Variants in EIF4G1 observed in about 807,000 individuals in gnomAD.
The protein encoded by EIF4G1 is EIF4-gamma.
In EIF4G1, 4 loss-of-function variants were observed where a neutral mutation model predicts 187.8. The observed-to-expected ratio is 0.02, with a 90% CI of 0.01 to 0.05. The LOEUF (loss-of-function observed/expected upper bound fraction) is 0.05. Ranked by LOEUF, EIF4G1 falls within the 10% of genes least tolerant of loss-of-function variation. EIF4G1 has a pLI of 1.00. For missense variants in EIF4G1, 1,647 were observed against 2,081.1 expected, an observed-to-expected ratio of 0.79 and a Z score of 4.06; for synonymous variants, 844 against 781.4, an observed-to-expected ratio of 1.08 and a Z score of -1.34.
At position 184,319,808 on chromosome 3, in the gene EIF4G1, A is replaced by T. The variant is rs775485567; in HGVS notation, c.537+7A>T. 17 of 1,571,186 alleles carry T rather than the reference A, an allele frequency of 1.1e-5. No homozygotes were observed. The highest frequency in any genetic ancestry group is 1.5e-5 in the Non-Finnish European group (17 of 1,149,356). On this transcript the variant is annotated splice_region_variant and intron_variant, in intron 7 of 32. Coordinates refer to ENST00000346169, the MANE Select transcript of EIF4G1 (RefSeq NM_198241.3). ...CAAGAGGGAGCGTAAGACGGTGAGT[A>T]GCAGTGAGGGGCTCCGGGACATCTG... is the stretch of plus-strand genomic sequence containing the variant.
chr3:184,318,466 G>T (rs570834378), intron 6 of EIF4G1, among the ~76,000 whole-genome samples: 2 of 151,598 alleles, frequency 1.3e-5, no homozygotes, highest in African/African-American at 4.8e-5. Flanking sequence ...TAAAATTTGA[G>T]GGGGGCTGAG....
Position 184,321,378 on chromosome 3 carries a change from C to T in EIF4G1, c.794C>T (p.Thr265Ile). ...TCCCAGCCTTCGTCGCCTTCTCCGA[C>T]CCCATCACCATCCCCAGTCTTGGAA... is the stretch of plus-strand genomic sequence containing the variant. ...SESQPSSPSP[T>I]PSPSPVLEPG... The change falls in exon 10 of 33, where the codon ACC (threonine) becomes ATC (isoleucine). Residue 265 changes from threonine to isoleucine, a missense_variant. Thr to Ile is a moderately conservative substitution (Grantham distance 89). Around this residue, in one of 11 missense-constraint regions of EIF4G1, gnomAD observed 522 missense variants for 485.2 expected, o/e 1.08. Coordinates refer to ENST00000346169, the MANE Select transcript of EIF4G1 (RefSeq NM_198241.3). 6.2e-7 allele frequency: 1 copy of T among 1,614,196 alleles called. No individual in the cohort carries two copies. Among genetic ancestry groups the T allele is most frequent in the Non-Finnish European group, 8.5e-7 (1 of 1,180,026 alleles).
chr3:184,315,576 G>C (rs1429457562), intron 2 of EIF4G1, 31 bp downstream of exon 2: 1 of 766,150 alleles, frequency 1.3e-6, no homozygotes, highest in Non-Finnish European at 2.4e-6. Context: ...AGTAGGTCAG[G>C]GGTTGGTTGG....
intron 23 of EIF4G1, 112 bp from the exon 24 acceptor site, chr3:184,327,104 G>C: frequency 6.4e-7 from 1 of 1,564,714 alleles, no homozygotes; most frequent in Non-Finnish European, 8.8e-7. Flanking sequence ...GGTTAGATTG[G>C]GGCATACTCA....
intron 6 of EIF4G1, among the ~76,000 whole-genome samples, chr3:184,318,432 C>A (rs1560208261): frequency 5.9e-5 from 9 of 152,046 alleles, no homozygotes; most frequent in African/African-American, 1.9e-4. Flanking sequence ...GCCTGGGAAA[C>A]TTAGTGAGAC....
At chr3:184,326,314 G>GC (rs1165796879) in intron 21 of EIF4G1, among the ~76,000 whole-genome samples, 9 of 152,336 alleles carry the variant, frequency 5.9e-5, no homozygotes, top group African/African-American at 2.2e-4. Context: ...AGTTTTATTG[G>GC]AACACAGTCA....
rs2108486300 is a variant in EIF4G1 at position 184,322,083 on chromosome 3, A to AGGC, written c.1500_1502dup (p.Ala504dup). On this transcript the variant is annotated inframe_insertion, in exon 10 of 33. Transcript: ENST00000346169. ...CCAGCCAACTTGTCTCAGAATTTGG[A>AGGC]GGCAGCAGCAGCCACTCAAGGTAAG... 6.2e-7 allele frequency: 1 copy of AGGC among 1,613,914 alleles called. No homozygotes were observed. The highest frequency in any genetic ancestry group is 8.5e-7 in the Non-Finnish European group (1 of 1,180,018).
chr3:184,326,458 A>G, intron 21 of EIF4G1, 69 bp from the exon 22 acceptor site: 1 of 1,543,204 alleles, frequency 6.5e-7, no homozygotes, highest in Non-Finnish European at 8.9e-7. Context: ...GTTTGGTTGC[A>G]TATGGTGGTG....
intron 10 of EIF4G1, 127 bp from the exon 11 acceptor site, chr3:184,322,235 T>G: frequency 6.5e-7 from 1 of 1,545,964 alleles, no homozygotes; most frequent in Non-Finnish European, 8.9e-7. Context: ...TAAGGACTTT[T>G]AAGCCTAAAA....
Position 184,319,466 on chromosome 3 carries a change from TTTGTGTGTGTGTGTG to T in EIF4G1, c.425-221_425-207del, listed in dbSNP as rs1723447541. Among the ~76,000 whole-genome samples the T allele has an allele frequency of 2.4e-4, 3 of 12,282 alleles. No homozygotes were observed. In the African/African-American group the frequency reaches 3.5e-3, roughly 14 times the overall value. The allele number at this position is 12,282 out of a possible 152,430, so 8.1% of individuals were successfully genotyped here. A position where few individuals can be genotyped will look rare whatever the true frequency, so the allele number is the denominator to read the frequency against. On this transcript the variant is annotated intron_variant, in intron 6 of 32. Transcript: ENST00000346169. ...GTGTGTGTGTGTGTGTGTGTGTGTG[TTTGTGTGTGTGTGTG>T]TGTTAGGAATTCTTGTAAACGCAGT...
intron 9 of EIF4G1, 22 bp downstream of exon 9, chr3:184,321,015 A>G (rs1448836124): frequency 6.2e-7 from 1 of 1,612,110 alleles, no homozygotes; most frequent in Non-Finnish European, 8.5e-7. Flanking sequence ...GGTGGGACGG[A>G]GCTTTTATGG....
intron 28 of EIF4G1, among the ~76,000 whole-genome samples, chr3:184,330,383 TAAA>T (rs1307851644): frequency 6.6e-6 from 1 of 151,618 alleles, no homozygotes; most frequent in Non-Finnish European, 1.5e-5. Flanking sequence ...TGTCTCAAAA[TAAA>T]AAAAGATATA....
At chr3:184,315,979 G>C (rs1245466202) in intron 3 of EIF4G1, 123 bp downstream of exon 3, 2 of 1,511,598 alleles carry the variant, frequency 1.3e-6, no homozygotes, top group African/African-American at 1.4e-5. Context: ...AATTGAGACA[G>C]GGCCCCTGGG....
chr3:184,321,260 A>T, intron 9 of EIF4G1, 22 bp from the exon 10 acceptor site: 2 of 1,614,048 alleles, frequency 1.2e-6, no homozygotes, highest in Non-Finnish European at 1.7e-6. Context: ...TTAGTTGCTC[A>T]TTCTTCCTTC....
At chr3:184,326,013 T>C in intron 21 of EIF4G1, 62 bp downstream of exon 21, 1 of 1,556,936 alleles carries the variant, frequency 6.4e-7, no homozygotes, top group Non-Finnish European at 8.9e-7. Context: ...CCTTCACTTT[T>C]CTAAAGTTGA....
chr3:184,326,445 C>T (rs1242622248), intron 21 of EIF4G1, 82 bp from the exon 22 acceptor site: 10 of 1,441,630 alleles, frequency 6.9e-6, no homozygotes, highest in South Asian at 2.3e-5. Flanking sequence ...CCATTCACTA[C>T]CTGTTTGGTT....
In EIF4G1 at chr3:184,322,975, AG is replaced by A. The variant is rs767268928; in HGVS notation, c.1929+25del. 6 of 1,613,964 alleles carry A rather than the reference AG, an allele frequency of 3.7e-6. No homozygotes were observed. In the African/African-American group the frequency reaches 8.0e-5, roughly 22 times the overall value. On this transcript the variant is annotated intron_variant, in intron 13 of 32. Coordinates refer to ENST00000346169, the MANE Select transcript of EIF4G1 (RefSeq NM_198241.3). ...ACAAGGTTAGTGGCTTCAGTTGGGG[AG>A]GGGACGATAAGTTTGTGCTGGATGG...
Position 184,323,975 on chromosome 3 carries a change from G to A in EIF4G1, c.2470G>A (p.Ala824Thr), listed in dbSNP as rs1396287350. The change falls in exon 16 of 33, where the codon GCG (alanine) becomes ACG (threonine). Residue 824 changes from alanine (A) to threonine (T), a missense_variant and splice_region_variant. Coordinates refer to ENST00000346169, the MANE Select transcript of EIF4G1 (RefSeq NM_198241.3). The surrounding 1 kb of genome is among the most constrained non-coding windows in gnomAD (Gnocchi z 6.9). ...TGCCAACATGTGCCGCTGCCTCATG[G>A]CGGTTAGTTTCCAGTGGGTTCTAAA... The part of the protein sequence containing the change: ...AYANMCRCLM[A>T]LKVPTTEKPT... 1 of 1,613,720 alleles carries A rather than the reference G, an allele frequency of 6.2e-7. No individual in the cohort carries two copies. The highest frequency in any genetic ancestry group is 8.5e-7 in the Non-Finnish European group (1 of 1,180,044).
Position 184,321,315 on chromosome 3 carries a change from G to A in EIF4G1, c.731G>A (p.Arg244Gln), listed in dbSNP as rs147855566. ...DRSQGAIIADRPGLPGPEHSP... is the reference protein window; with the variant it reads ...DRSQGAIIADQPGLPGPEHSP... ...TCACAGGGAGCAATCATTGCTGACC[G>A]GCCAGGGCTGCCTGGCCCAGAGCAT... is the stretch of plus-strand genomic sequence containing the variant. The change falls in exon 10 of 33, where the codon CGG becomes CAG. Residue 244 changes from arginine to glutamine, a missense_variant. Physicochemically the swap from Arg to Gln is conservative, Grantham distance 43. Transcript: ENST00000346169. The A allele has an allele frequency of 1.1e-5, 17 of 1,614,082 alleles. No individual in the cohort carries two copies. The highest frequency in any genetic ancestry group is 8.9e-5 in the East Asian group (4 of 44,872).
Sources: gnomAD v4.1 joint callset for allele counts (sites outside exome capture counted in the v4.1 genomes callset) on GRCh38, gnomAD v4.1.1 for gene constraint, gnomAD v4.1.1 regional missense constraint, Gnocchi (gnomAD v3.1) non-coding constraint, MANE v1.5 for transcripts, NCBI Gene and HGNC (gene_info 2026-07-23, HGNC 2026-07-21) for gene names.